NDST4: variants seen among roughly 807,000 people sequenced by gnomAD.
NDST4 encodes N-heparan sulfate sulfotransferase 4.
Under a neutral mutation model 100.8 loss-of-function variants are expected in NDST4, and 63 were observed. The ratio of observed to expected loss-of-function variants is 0.62; its 90% CI spans 0.51 to 0.77. NDST4 has a LOEUF of 0.77. Ranked by LOEUF, NDST4 falls within the 30% of genes least tolerant of loss-of-function variation. The pLI is 0.00. For missense variants in NDST4, 943 were observed against 1,018.4 expected, an observed-to-expected ratio of 0.93 and a Z score of 1.01; for synonymous variants, 377 against 361.8, an observed-to-expected ratio of 1.04 and a Z score of -0.48.
intron 6 of NDST4, among the ~76,000 whole-genome samples, chr4:114,882,972 C>G (rs561502927): frequency 6.6e-6 from 1 of 151,908 alleles, no homozygotes; most frequent in African/African-American, 2.4e-5. Flanking sequence ...TTAAAAACTA[C>G]CAATCTGGGA....
chr4:115,069,326 C>T (rs1314385535), intron 2 of NDST4, among the ~76,000 whole-genome samples: 1 of 152,046 alleles, frequency 6.6e-6, no homozygotes, highest in African/African-American at 2.4e-5. Flanking sequence ...TCACAAAGAA[C>T]ATTGAAATAA....
intron 10 of NDST4, among the ~76,000 whole-genome samples, chr4:114,840,474 G>T (rs1034232453): frequency 2.6e-5 from 4 of 152,152 alleles, no homozygotes; most frequent in Non-Finnish European, 1.5e-5. Context: ...TGACATATTT[G>T]ATTAGAGGTA....
intron 6 of NDST4, among the ~76,000 whole-genome samples, chr4:114,901,054 A>G (rs1281871916): frequency 6.6e-6 from 1 of 150,976 alleles, no homozygotes; most frequent in African/African-American, 2.4e-5. Flanking sequence ...GGTGTGTTTT[A>G]TGCCCCAGAA....
intron 1 of NDST4, among the ~76,000 whole-genome samples, chr4:115,107,977 T>A (rs923333471): frequency 1.3e-5 from 2 of 152,180 alleles, no homozygotes; most frequent in African/African-American, 4.8e-5. Flanking sequence ...AAAACTGTGT[T>A]ATCAGGAACC....
At chr4:114,935,677 C>A (rs1439503101) in intron 5 of NDST4, among the ~76,000 whole-genome samples, 1 of 152,142 alleles carries the variant, frequency 6.6e-6, no homozygotes, top group Non-Finnish European at 1.5e-5. Context: ...GTCTTTCATG[C>A]CATTAGGCCA....
At chr4:115,030,285 T>C (rs527773475) in intron 2 of NDST4, among the ~76,000 whole-genome samples, 1 of 152,242 alleles carries the variant, frequency 6.6e-6, no homozygotes, top group East Asian at 1.9e-4. Flanking sequence ...ATATACAAAA[T>C]GTGGTGTGAT....
intron 11 of NDST4, among the ~76,000 whole-genome samples, chr4:114,837,912 T>G (rs549895819): frequency 4.6e-5 from 7 of 152,178 alleles, no homozygotes; most frequent in African/African-American, 1.7e-4. Flanking sequence ...GGGAGAAAAT[T>G]TTTGCAATCC....
intron 2 of NDST4, among the ~76,000 whole-genome samples, chr4:115,044,593 C>G (rs1019417517): frequency 1.3e-5 from 2 of 151,500 alleles, no homozygotes; most frequent in Non-Finnish European, 2.9e-5. Context: ...AATTCAAGTT[C>G]ACTCTGGTGA....
chr4:115,098,048 C>A (rs1356407802), intron 1 of NDST4, among the ~76,000 whole-genome samples: 1 of 152,128 alleles, frequency 6.6e-6, no homozygotes, highest in Admixed American at 6.6e-5. Flanking sequence ...ACTTCCTAAA[C>A]CCTGCTTGGT....
At chr4:114,927,978 T>A (rs1447467841) in intron 6 of NDST4, among the ~76,000 whole-genome samples, 1 of 152,138 alleles carries the variant, frequency 6.6e-6, no homozygotes, top group Non-Finnish European at 1.5e-5. Context: ...TGTTGAACAC[T>A]TCGCACTAAA....
chr4:114,913,197 A>T (rs1166077286), intron 6 of NDST4, among the ~76,000 whole-genome samples: 1 of 152,012 alleles, frequency 6.6e-6, no homozygotes, highest in South Asian at 2.1e-4. Context: ...TAAGGACTGT[A>T]TGTTAAATAT....
intron 7 of NDST4, among the ~76,000 whole-genome samples, chr4:114,863,683 T>C (rs1723965813): frequency 6.6e-6 from 1 of 152,240 alleles, no homozygotes; most frequent in Non-Finnish European, 1.5e-5. Context: ...CTTTAGGCAG[T>C]TTATGGCTAC....
In NDST4 at chr4:114,916,533, GCT is replaced by G. The variant is rs199699328; in HGVS notation, c.1536+18671_1536+18672del. ...TTCAGATGTCACATTGTCCTGGTAG[GCT>G]CTGTGTGTGTGTGTGTGTGTGTGTG... On this transcript the variant is annotated intron_variant, in intron 6 of 13. Coordinates refer to ENST00000264363, the MANE Select transcript of NDST4 (RefSeq NM_022569.3). Among the ~76,000 whole-genome samples the G allele has an allele frequency of 2.6e-3, 332 of 127,802 alleles. 5 individuals are homozygous for G. Among genetic ancestry groups the G allele is most frequent in the African/African-American group, 9.6e-3 (315 of 32,946 alleles). 83.8% of individuals were successfully genotyped at this position (127,802 alleles called of 152,430 possible).
intron 2 of NDST4, among the ~76,000 whole-genome samples, chr4:115,022,522 A>G (rs1385518439): frequency 1.1e-5 from 1 of 93,064 alleles, no homozygotes; most frequent in South Asian, 3.0e-4. Context: ...ATATATATAT[A>G]TGTGATGGAA....
At chr4:115,052,619 C>T (rs942712050) in intron 2 of NDST4, among the ~76,000 whole-genome samples, 4 of 151,504 alleles carry the variant, frequency 2.6e-5, no homozygotes, top group East Asian at 3.9e-4. Context: ...TCCCGTAAGA[C>T]GTGACTTTTG....
intron 6 of NDST4, among the ~76,000 whole-genome samples, chr4:114,924,738 A>T (rs2126220507): frequency 6.6e-6 from 1 of 152,272 alleles, no homozygotes; most frequent in African/African-American, 2.4e-5. Context: ...GTACAAACAT[A>T]CAGTTCGATG....
intron 1 of NDST4, among the ~76,000 whole-genome samples, chr4:115,104,618 G>C (rs185251325): frequency 3.9e-5 from 6 of 152,102 alleles, no homozygotes; most frequent in African/African-American, 1.2e-4. Flanking sequence ...GATATAGTAT[G>C]TTTTCCTGAA....
intron 6 of NDST4, among the ~76,000 whole-genome samples, chr4:114,923,009 A>C (rs1725320100): frequency 6.6e-6 from 1 of 152,230 alleles, no homozygotes; most frequent in Admixed American, 6.5e-5. Flanking sequence ...ATAGACAAAT[A>C]GGTTAAAGTG....
rs1391736224 is a variant in NDST4 at position 114,847,416 on chromosome 4, A to AAAAAAAAAAAAAAAT, written c.1940+798_1940+799insATTTTTTTTTTTTTT. Among the ~76,000 whole-genome samples the AAAAAAAAAAAAAAAT allele has an allele frequency of 3.9e-5, 4 of 103,598 alleles. 1 individual carries two copies. The highest frequency in any genetic ancestry group is 1.3e-4 in the African/African-American group (3 of 23,534). 68.0% of individuals were successfully genotyped at this position (103,598 alleles called of 152,430 possible). ...AAAAAAAAAAAAAAAAAAAAAAAAA[A>AAAAAAAAAAAAAAAT]GTGTCTTTCATTGCAAACAGGTTCA... On this transcript the variant is annotated intron_variant, in intron 9 of 13. Transcript: ENST00000264363.
Sources: allele counts gnomAD v4.1 joint callset (sites outside exome capture counted in the v4.1 genomes callset), GRCh38; gene constraint gnomAD v4.1.1; transcripts MANE v1.5; gene names NCBI Gene and HGNC (gene_info 2026-07-23, HGNC 2026-07-21).